Variants in ERLIN1 observed in about 807,000 individuals in gnomAD.
ERLIN1 encodes ER lipid raft associated 1.
A neutral mutation model predicts 46.9 loss-of-function variants in ERLIN1; 24 were observed. That is an observed-to-expected ratio of 0.51 (90% CI 0.37 to 0.72). ERLIN1 has a LOEUF of 0.72. Among genes scored for constraint, ERLIN1 ranks in the 30% least tolerant of loss-of-function variants. ERLIN1 has a pLI of 0.00. For missense variants in ERLIN1, 293 were observed against 417.9 expected, an observed-to-expected ratio of 0.70 and a Z score of 2.61; for synonymous variants, 158 against 143.2, an observed-to-expected ratio of 1.10 and a Z score of -0.74.
chr10:100,162,209 T>C (rs2134121962), intron 8 of ERLIN1, among the ~76,000 whole-genome samples: 1 of 152,020 alleles, frequency 6.6e-6, no homozygotes, highest in Non-Finnish European at 1.5e-5. Context: ...AAAAAAGCAA[T>C]CAAATAATGG....
intron 8 of ERLIN1, among the ~76,000 whole-genome samples, chr10:100,160,449 C>T (rs1843306610): frequency 6.6e-6 from 1 of 151,974 alleles, no homozygotes; most frequent in Non-Finnish European, 1.5e-5. Flanking sequence ...AAACCTAACA[C>T]TAAAAGTATA....
intron 8 of ERLIN1, among the ~76,000 whole-genome samples, chr10:100,161,239 C>A (rs1311795134): frequency 6.6e-6 from 1 of 152,004 alleles, no homozygotes; most frequent in East Asian, 1.9e-4. Context: ...CATGGGAAAT[C>A]TAAGCGACTA....
chr10:100,174,332 C>T, intron 5 of ERLIN1, 51 bp from the exon 6 acceptor site: 1 of 1,273,804 alleles, frequency 7.9e-7, no homozygotes. Flanking sequence ...ATTTTTTTTA[C>T]ATTGTATTCA....
rs745992826 is a variant in ERLIN1 at position 100,183,729 on chromosome 10, T to C, written c.195+27A>G. 9 of 1,522,154 alleles carry C rather than the reference T, an allele frequency of 5.9e-6. No homozygotes were observed. The East Asian group carries it at 6.8e-5, about 11-fold the overall frequency. 94.3% of individuals were successfully genotyped at this position (1,522,154 alleles called of 1,614,324 possible). Reference sequence around the variant, plus strand: ...TCCTGTCATGCCTGTCTATCTGGTATGGAGGCTTCCCCTAGGAATCACTCA... The same window carrying C: ...TCCTGTCATGCCTGTCTATCTGGTACGGAGGCTTCCCCTAGGAATCACTCA... On this transcript the variant is annotated intron_variant, in intron 2 of 10. Transcript: ENST00000421367.
chr10:100,151,687 G>T lies in ERLIN1; in HGVS notation c.*444C>A. The T allele has an allele frequency of 4.2e-6, 1 of 236,732 alleles. No individual in the cohort carries two copies. Among genetic ancestry groups the T allele is most frequent in the Non-Finnish European group, 8.5e-6 (1 of 118,174 alleles). The allele number at this position is 236,732 out of a possible 1,614,324, so 14.7% of individuals were successfully genotyped here. A position where few individuals can be genotyped will look rare whatever the true frequency, so the allele number is the denominator to read the frequency against. ...GGACTGGATCCCAAAGAAAGGGCCT[G>T]GGTCCCAGGTGCAATCAGTCTTCTT... On this transcript the variant is annotated 3_prime_UTR_variant, in exon 11 of 11. Transcript: ENST00000421367.
At chr10:100,174,935 A>G (rs1028187426) in intron 5 of ERLIN1, among the ~76,000 whole-genome samples, 3 of 152,232 alleles carry the variant, frequency 2.0e-5, no homozygotes, top group African/African-American at 4.8e-5. Context: ...GGTGAGACAA[A>G]GCAGGACCCA....
chr10:100,174,308 T>C, intron 5 of ERLIN1, 27 bp from the exon 6 acceptor site: 1 of 1,509,594 alleles, frequency 6.6e-7, no homozygotes, highest in Non-Finnish European at 9.0e-7. Flanking sequence ...GAACAACAGA[T>C]CTCATGATAG....
At chr10:100,171,557 C>T (rs1220229330) in intron 6 of ERLIN1, among the ~76,000 whole-genome samples, 1 of 152,074 alleles carries the variant, frequency 6.6e-6, no homozygotes, top group Non-Finnish European at 1.5e-5. Flanking sequence ...AGGCACATGC[C>T]ACCACACCTA....
intron 2 of ERLIN1, among the ~76,000 whole-genome samples, 171 bp from the exon 3 acceptor site, chr10:100,179,418 G>A (rs1844504040): frequency 6.6e-6 from 1 of 151,830 alleles, no homozygotes; most frequent in Non-Finnish European, 1.5e-5. Flanking sequence ...TTGTATTCTA[G>A]TAGAAATGAA....
rs1372688380 is a variant in ERLIN1 at position 100,151,971 on chromosome 10, G to T, written c.*160C>A. On this transcript the variant is annotated 3_prime_UTR_variant, in exon 11 of 11. Coordinates refer to ENST00000421367, the MANE Select transcript of ERLIN1 (RefSeq NM_006459.4). ...AAGACCATTTGTGTGTCAGACAGCTGGCTCTATCCTCCAATCAGTGGAGCA... is the reference window on the plus strand; with the variant it reads ...AAGACCATTTGTGTGTCAGACAGCTTGCTCTATCCTCCAATCAGTGGAGCA... 1 of 689,594 alleles carries T rather than the reference G, an allele frequency of 1.5e-6. No homozygotes were observed. Among genetic ancestry groups the T allele is most frequent in the African/African-American group, 1.8e-5 (1 of 56,730 alleles). The allele number at this position is 689,594 out of a possible 1,614,324, so 42.7% of individuals were successfully genotyped here.
intron 6 of ERLIN1, among the ~76,000 whole-genome samples, chr10:100,173,716 C>G (rs1370347048): frequency 2.0e-5 from 3 of 152,246 alleles, no homozygotes; most frequent in African/African-American, 7.2e-5. Flanking sequence ...TTTTCCAAAC[C>G]TACTTAAAAT....
intron 7 of ERLIN1, among the ~76,000 whole-genome samples, chr10:100,164,728 G>A (rs969682461): frequency 5.3e-5 from 8 of 152,126 alleles, no homozygotes; most frequent in African/African-American, 1.2e-4. Flanking sequence ...AACTTTTTGA[G>A]AGCCCACATT....
intron 2 of ERLIN1, among the ~76,000 whole-genome samples, chr10:100,180,308 C>T (rs937007622): frequency 6.6e-6 from 1 of 152,202 alleles, no homozygotes; most frequent in African/African-American, 2.4e-5. Context: ...AAAGGAATCA[C>T]AGTCCCTGTT....
rs1842824234 is a variant in ERLIN1 at position 100,152,005 on chromosome 10, T to G, written c.*126A>C. 1.4e-6 allele frequency: 1 copy of G among 729,586 alleles called. No homozygotes were observed. Among genetic ancestry groups the G allele is most frequent in the African/African-American group, 1.7e-5 (1 of 57,656 alleles). The allele number at this position is 729,586 out of a possible 1,614,324, so 45.2% of individuals were successfully genotyped here. On this transcript the variant is annotated 3_prime_UTR_variant, in exon 11 of 11. Transcript: ENST00000421367. ...CTCCAATCAGTGGAGCACCCAGGAC[T>G]ATCGCAGGAGAGGTGGAACAGATGA...
rs1375792202 is a variant in ERLIN1, at chr10:100,185,884, C to G, written c.-258G>C. ...GAAACTCCCTCTCCCAAGGGTCGCT[C>G]CCGGGTGGAAGGCACTAACTGAGAA... On this transcript the variant is annotated 5_prime_UTR_variant, in exon 1 of 11. Transcript: ENST00000421367. The G allele has an allele frequency of 3.8e-6, 2 of 523,690 alleles. No individual in the cohort carries two copies. The highest frequency in any genetic ancestry group is 3.2e-5 in the East Asian group (1 of 31,452). The allele number at this position is 523,690 out of a possible 1,614,324, so 32.4% of individuals were successfully genotyped here. A position where few individuals can be genotyped will look rare whatever the true frequency, so the allele number is the denominator to read the frequency against.
intron 8 of ERLIN1, among the ~76,000 whole-genome samples, chr10:100,159,532 A>C (rs1843246170): frequency 6.6e-6 from 1 of 152,194 alleles, no homozygotes; most frequent in Admixed American, 6.5e-5. Flanking sequence ...GCCACAAAGC[A>C]ATTTTCAATA....
At position 100,173,982 on chromosome 10, in the gene ERLIN1, G is replaced by A. The variant is rs56671600; in HGVS notation, c.504+226C>T. 4.0e-3 allele frequency among the ~76,000 whole-genome samples: 616 copies of A among 152,230 alleles called. 5 individuals are homozygous for A. The highest frequency in any genetic ancestry group is 0.014 in the African/African-American group (593 of 41,542). Reference sequence around the variant, plus strand: ...GCAGAAATATGAATTTTACTTCCTTGTAAGAGCCTCAGCTTATCAGTTCCC... The same window carrying A: ...GCAGAAATATGAATTTTACTTCCTTATAAGAGCCTCAGCTTATCAGTTCCC... On this transcript the variant is annotated intron_variant, in intron 6 of 10. Coordinates refer to ENST00000421367, the MANE Select transcript of ERLIN1 (RefSeq NM_006459.4).
intron 6 of ERLIN1, among the ~76,000 whole-genome samples, chr10:100,170,135 T>G (rs1843905859): frequency 6.6e-6 from 1 of 152,236 alleles, no homozygotes; most frequent in Non-Finnish European, 1.5e-5. Context: ...GCAAAGGCCA[T>G]TATTTTTTAA....
At chr10:100,167,827 A>C (rs1354662077) in intron 6 of ERLIN1, among the ~76,000 whole-genome samples, 1 of 152,222 alleles carries the variant, frequency 6.6e-6, no homozygotes, top group African/African-American at 2.4e-5. Context: ...AACAAACAAA[A>C]AAACCCAGGT....
Sources: allele counts gnomAD v4.1 joint callset (sites outside exome capture counted in the v4.1 genomes callset), GRCh38; gene constraint gnomAD v4.1.1; transcripts MANE v1.5; gene names NCBI Gene and HGNC (gene_info 2026-07-23, HGNC 2026-07-21).